LRRIQ1: variants seen among roughly 807,000 people sequenced by gnomAD.
The protein encoded by LRRIQ1 is leucine rich repeats and IQ motif containing 1.
A neutral mutation model predicts 211.9 loss-of-function variants in LRRIQ1; 210 were observed. That is an observed-to-expected ratio of 0.99 (90% CI 0.89 to 1.11). LRRIQ1 has a LOEUF of 1.11. Ranked by LOEUF, LRRIQ1 falls within the 50% of genes most tolerant of loss-of-function variation. The probability of loss-of-function intolerance (pLI) is 0.00; values close to 1 mark genes in which losing one functional copy is unlikely to be tolerated. For missense variants in LRRIQ1, 2,136 were observed against 1,939.5 expected, an observed-to-expected ratio of 1.10 and a Z score of -1.90; for synonymous variants, 699 against 650.1, an observed-to-expected ratio of 1.08 and a Z score of -1.14.
intron 18 of LRRIQ1, among the ~76,000 whole-genome samples, chr12:85,136,466 T>C (rs916228977): frequency 6.6e-6 from 1 of 151,902 alleles, no homozygotes. Context: ...TTTCTCTGGT[T>C]GTTCCTGAGT....
chr12:85,199,062 G>T (rs1893162111), intron 24 of LRRIQ1, among the ~76,000 whole-genome samples: 1 of 152,048 alleles, frequency 6.6e-6, no homozygotes, highest in Non-Finnish European at 1.5e-5. Context: ...TCTGTAAGTT[G>T]TCTGTTTACT....
intron 11 of LRRIQ1, among the ~76,000 whole-genome samples, chr12:85,090,694 T>A (rs1885294869): frequency 6.6e-6 from 1 of 152,188 alleles, no homozygotes; most frequent in African/African-American, 2.4e-5. Flanking sequence ...ATCTTAGAAG[T>A]AAATAACTTG....
At chr12:85,125,916 G>A (rs543626827) in intron 17 of LRRIQ1, among the ~76,000 whole-genome samples, 2 of 152,176 alleles carry the variant, frequency 1.3e-5, no homozygotes, top group South Asian at 2.1e-4. Context: ...AAGAATAAAC[G>A]GGAAAGAAAA....
At chr12:85,065,016 G>A (rs1882279674) in intron 8 of LRRIQ1, among the ~76,000 whole-genome samples, 1 of 151,680 alleles carries the variant, frequency 6.6e-6, no homozygotes, top group African/African-American at 2.4e-5. Context: ...TGATTATGTT[G>A]TTGCTTTTAT....
the LRRIQ1 span, among the ~76,000 whole-genome samples, chr12:85,271,748 C>G: frequency 6.6e-6 from 1 of 152,028 alleles, no homozygotes; most frequent in Admixed American, 6.6e-5. Context: ...ACCCCATAAG[C>G]TTTGTTTTTC....
At chr12:85,239,105 C>A (rs1029844253) in intron 26 of LRRIQ1, among the ~76,000 whole-genome samples, 5 of 152,026 alleles carry the variant, frequency 3.3e-5, no homozygotes, top group African/African-American at 1.2e-4. Context: ...TAAAAAATTT[C>A]AGAGACATAC....
intron 15 of LRRIQ1, among the ~76,000 whole-genome samples, chr12:85,119,962 T>A (rs1293131166): frequency 6.6e-6 from 1 of 152,206 alleles, no homozygotes; most frequent in Admixed American, 6.5e-5. Context: ...AGTCTGTGGC[T>A]TGTCTTCTCA....
chr12:85,223,283 G>A (rs2137140785), intron 24 of LRRIQ1, among the ~76,000 whole-genome samples: 1 of 152,162 alleles, frequency 6.6e-6, no homozygotes, highest in African/African-American at 2.4e-5. Flanking sequence ...TGACTCCTAG[G>A]TACTTGTAAA....
In LRRIQ1 at chr12:85,086,777, T is replaced by C. The variant is rs951373620; in HGVS notation, c.2888-11578T>C. Among the ~76,000 whole-genome samples, 6 of 152,142 alleles carry C rather than the reference T, an allele frequency of 3.9e-5. No individual in the cohort carries two copies. In the South Asian group the frequency reaches 8.3e-4, roughly 21 times the overall value. ...ACAACTAGAAAGTGACAGAGTGTTA[T>C]AGAAACAAGTCTGTCTGAAACTAAA... is the stretch of plus-strand genomic sequence containing the variant. On this transcript the variant is annotated intron_variant, in intron 11 of 26. Coordinates refer to ENST00000393217, the MANE Select transcript of LRRIQ1 (RefSeq NM_001079910.2).
At chr12:85,085,121 G>C (rs1165059224) in intron 11 of LRRIQ1, among the ~76,000 whole-genome samples, 2 of 151,474 alleles carry the variant, frequency 1.3e-5, no homozygotes, top group Non-Finnish European at 2.9e-5. Context: ...TGTTTCCCCC[G>C]CCCCCCAATT....
At chr12:85,066,936 T>C (rs766721191) in intron 10 of LRRIQ1, 38 bp downstream of exon 10, 3 of 1,169,140 alleles carry the variant, frequency 2.6e-6, no homozygotes, top group Non-Finnish European at 3.5e-6. Context: ...AAGATATATT[T>C]CTCATAATTT....
rs1254586738 is a variant in LRRIQ1, at chr12:85,066,760, G to A, written c.2557G>A (p.Glu853Lys). Residue 853 changes from glutamate (E) to lysine (K), a missense_variant, in exon 10 of 27, where the codon GAG becomes AAG. Physicochemically the swap from Glu to Lys is moderately conservative, Grantham distance 56 (BLOSUM62 1). Coordinates refer to ENST00000393217, the MANE Select transcript of LRRIQ1 (RefSeq NM_001079910.2). ...KYIDAQENHI[E>K]AIECENLENL... ...TTCTTTGCTTCAGGAAAACCATATT[G>A]AGGCTATTGAGTGTGAAAATTTGGA... 1.9e-6 allele frequency: 3 copies of A among 1,586,464 alleles called. No individual in the cohort carries two copies. Among genetic ancestry groups the A allele is most frequent in the Non-Finnish European group, 2.6e-6 (3 of 1,169,582 alleles).
exon 2 of LRRIQ1, chr12:85,264,150 C>G (rs1593038462): frequency 6.6e-6 from 1 of 152,102 alleles, no homozygotes; most frequent in Middle Eastern, 3.4e-3. Context: ...TTTGTATCCC[C>G]CATCTACTTT....
intron 11 of LRRIQ1, among the ~76,000 whole-genome samples, chr12:85,093,468 A>T (rs188885566): frequency 6.6e-6 from 1 of 152,202 alleles, no homozygotes; most frequent in Non-Finnish European, 1.5e-5. Flanking sequence ...ACGTGAGAAG[A>T]TGGATGCAGA....
intron 11 of LRRIQ1, among the ~76,000 whole-genome samples, chr12:85,079,425 A>C (rs2136152223): frequency 6.6e-6 from 1 of 151,358 alleles, no homozygotes; most frequent in Middle Eastern, 3.4e-3. Flanking sequence ...GGGTTTCACC[A>C]TGTTGGCCAG....
chr12:85,124,289 C>T lies in LRRIQ1; in HGVS notation c.3777C>T (p.Asp1259=), dbSNP rs1272877399. ...CTTGTGCACGTGAAGGTGAGCCAGA[C>T]TCACCAGATATTCCTGAGAAATGGA... ...FYSCAREGEP[D]SPDIPEKWMD... The change falls in exon 17 of 27, where the codon GAC becomes GAT. Residue 1259 remains aspartate, a synonymous_variant. Transcript: ENST00000393217. 1 of 1,614,088 alleles carries T rather than the reference C, an allele frequency of 6.2e-7. No individual in the cohort carries two copies. The highest frequency in any genetic ancestry group is 1.7e-5 in the Admixed American group (1 of 60,010).
At chr12:85,067,697 A>G (rs1345492079) in intron 10 of LRRIQ1, among the ~76,000 whole-genome samples, 1 of 151,818 alleles carries the variant, frequency 6.6e-6, no homozygotes, top group Non-Finnish European at 1.5e-5. Context: ...TTTTCTATAA[A>G]TATTCCCATC....
Position 85,056,558 on chromosome 12 carries a change from G to A in LRRIQ1, c.1765G>A (p.Glu589Lys). 1 of 1,605,502 alleles carries A rather than the reference G, an allele frequency of 6.2e-7. No individual in the cohort carries two copies. Among genetic ancestry groups the A allele is most frequent in the Non-Finnish European group, 8.5e-7 (1 of 1,175,948 alleles). The change falls in exon 8 of 27, where the codon GAA becomes AAA. Residue 589 changes from glutamate to lysine, a missense_variant. Coordinates refer to ENST00000393217, the MANE Select transcript of LRRIQ1 (RefSeq NM_001079910.2). ...QQKKIQKVEK[E>K]EIQEQNGLLY... ...GAAAAAGATACAAAAAGTAGAAAAA[G>A]AAGAGATACAAGAACAGAATGGATT...
At chr12:85,222,015 G>A (rs1894428561) in intron 24 of LRRIQ1, among the ~76,000 whole-genome samples, 1 of 152,128 alleles carries the variant, frequency 6.6e-6, no homozygotes, top group African/African-American at 2.4e-5. Context: ...GGATTTGATA[G>A]ATTTAACATA....
Sources: allele counts gnomAD v4.1 joint callset (sites outside exome capture counted in the v4.1 genomes callset), GRCh38; gene constraint gnomAD v4.1.1; transcripts MANE v1.5; gene names NCBI Gene and HGNC (gene_info 2026-07-23, HGNC 2026-07-21).